The following DDX10 variants were observed in gnomAD, a reference collection of about 807,000 sequenced individuals.
DDX10 encodes the protein DEAD-box helicase 10, also known as probable ATP-dependent RNA helicase DDX10.
In DDX10, 74 loss-of-function variants were observed where a neutral mutation model predicts 104.3. The ratio of observed to expected loss-of-function variants is 0.71; its 90% CI spans 0.59 to 0.86. DDX10 has a LOEUF of 0.86. Ranked by LOEUF, DDX10 falls within the 40% of genes least tolerant of loss-of-function variation. The pLI is 0.00. For synonymous variants in DDX10, 351 were observed against 353.4 expected (o/e 0.99, Z 0.08); for missense variants, 952 against 1,040.0 (o/e 0.92, Z 1.16).
At chr11:108,698,343 T>G (rs2094262749) in intron 9 of DDX10, among the ~76,000 whole-genome samples, 1 of 152,242 alleles carries the variant, frequency 6.6e-6, no homozygotes, top group South Asian at 2.1e-4. Context: ...GGAGCAATCT[T>G]TGTTAGTGAA....
At chr11:108,709,887 A>G (rs1649694083) in intron 10 of DDX10, among the ~76,000 whole-genome samples, 1 of 152,100 alleles carries the variant, frequency 6.6e-6, no homozygotes, top group African/African-American at 2.4e-5. Context: ...CTTTCTTTCT[A>G]ATACAGTCAT....
rs966972112 is a variant in DDX10, at chr11:108,938,037, A to G, written c.2451-2209A>G. 8.5e-5 allele frequency among the ~76,000 whole-genome samples: 13 copies of G among 152,300 alleles called. No individual in the cohort carries two copies. The East Asian group carries it at 2.1e-3, about 25-fold the overall frequency. Reference sequence around the variant, plus strand: ...TGAAGGAACCCCCTCATTGTCAGTCATCTCAGGGACCTCCTTACCTCCCTC... The same window carrying G: ...TGAAGGAACCCCCTCATTGTCAGTCGTCTCAGGGACCTCCTTACCTCCCTC... On this transcript the variant is annotated intron_variant, in intron 17 of 17. Coordinates refer to ENST00000322536, the MANE Select transcript of DDX10 (RefSeq NM_004398.4).
intron 2 of DDX10, among the ~76,000 whole-genome samples, chr11:108,675,127 T>C (rs527392634): frequency 6.8e-6 from 1 of 147,902 alleles, no homozygotes; most frequent in Non-Finnish European, 1.5e-5. Flanking sequence ...TGTGTGTGTA[T>C]GTGTATGTAT....
intron 1 of DDX10, among the ~76,000 whole-genome samples, chr11:108,672,846 A>T (rs58359815): frequency 0.032 from 4,818 of 152,332 alleles, 260 homozygotes; most frequent in African/African-American, 0.11. Flanking sequence ...TGAATAATGT[A>T]AAGTTAGCAA....
intron 17 of DDX10, chr11:108,918,699 C>T (rs866312048): frequency 3.3e-5 from 5 of 152,236 alleles, no homozygotes; most frequent in African/African-American, 1.2e-4. Flanking sequence ...AATTCCTTCA[C>T]TTTAAAGTCT....
At chr11:108,829,864 A>G (rs189544689) in intron 13 of DDX10, among the ~76,000 whole-genome samples, 4 of 151,696 alleles carry the variant, frequency 2.6e-5, no homozygotes, top group African/African-American at 9.6e-5. Context: ...TATGTTTGTT[A>G]TCTTTGTAAG....
chr11:108,774,285 C>A (rs1280604216), intron 13 of DDX10, among the ~76,000 whole-genome samples: 2 of 152,196 alleles, frequency 1.3e-5, no homozygotes, highest in African/African-American at 4.8e-5. Flanking sequence ...GTGGGCATTG[C>A]CCTTTGCAGG....
chr11:108,702,872 C>A (rs1350775299), intron 9 of DDX10, among the ~76,000 whole-genome samples: 1 of 152,194 alleles, frequency 6.6e-6, no homozygotes, highest in Non-Finnish European at 1.5e-5. Flanking sequence ...CTTGGGCTCT[C>A]AGAAATACTA....
chr11:108,897,296 A>G (rs1319779235), intron 16 of DDX10, among the ~76,000 whole-genome samples: 2 of 152,164 alleles, frequency 1.3e-5, no homozygotes, highest in South Asian at 2.1e-4. Context: ...TCAGCTTCCC[A>G]GCTGACTCTC....
intron 16 of DDX10, among the ~76,000 whole-genome samples, chr11:108,861,830 TG>T (rs1349084501): frequency 6.6e-6 from 1 of 152,206 alleles, no homozygotes; most frequent in African/African-American, 2.4e-5. Context: ...GAGACCAGCC[TG>T]GGCAACATGG....
intron 16 of DDX10, among the ~76,000 whole-genome samples, chr11:108,864,631 T>A (rs1862984410): frequency 6.6e-6 from 1 of 151,846 alleles, no homozygotes; most frequent in South Asian, 2.1e-4. Context: ...ATAATTTTGT[T>A]TATTTTTTTG....
intron 9 of DDX10, among the ~76,000 whole-genome samples, chr11:108,701,779 C>T (rs34180595): frequency 0.14 from 20,427 of 148,086 alleles, 1,529 homozygotes; most frequent in East Asian, 0.26. Flanking sequence ...CTCTGCCTCC[C>T]GGGTTCAAGT....
At position 108,673,488 on chromosome 11, in the gene DDX10, A is replaced by G. The variant is rs767157106; in HGVS notation, c.208A>G (p.Arg70Gly). 1.9e-6 allele frequency: 3 copies of G among 1,596,790 alleles called. No individual in the cohort carries two copies. The highest frequency in any genetic ancestry group is 2.6e-6 in the Non-Finnish European group (3 of 1,164,874). Residue 70 changes from arginine to glycine, a missense_variant, in exon 2 of 18, where the codon AGA becomes GGA. By Grantham distance (125) the Arg-to-Gly change is moderately radical (BLOSUM62 -2). Around this residue, in one of 3 missense-constraint regions of DDX10, gnomAD observed 412 missense variants for 479.2 expected, o/e 0.86. Transcript: ENST00000322536. ...YEKINVNEIT[R>G]FSDFPLSKKT... is the part of the protein sequence containing the mutation. ...CCAGATAAATGTAAATGAAATCACAAGATTTTCAGATTTTCCCTTGTCCAA... is the reference window on the plus strand; with the variant it reads ...CCAGATAAATGTAAATGAAATCACAGGATTTTCAGATTTTCCCTTGTCCAA...
chr11:108,839,748 A>G (rs1862610658), intron 14 of DDX10, among the ~76,000 whole-genome samples: 1 of 152,226 alleles, frequency 6.6e-6, no homozygotes, highest in Non-Finnish European at 1.5e-5. Context: ...GAGGAAGCGT[A>G]TCTAAATGAC....
intron 13 of DDX10, among the ~76,000 whole-genome samples, chr11:108,745,397 T>C (rs1444544616): frequency 6.6e-6 from 1 of 151,584 alleles, no homozygotes; most frequent in Non-Finnish European, 1.5e-5. Context: ...CTTGCCACCA[T>C]GGTCAGCTAA....
chr11:108,937,202 G>A (rs146043462), intron 17 of DDX10, among the ~76,000 whole-genome samples: 376 of 152,276 alleles, frequency 2.5e-3, no homozygotes, highest in African/African-American at 8.6e-3. Flanking sequence ...AGTGAGGGCC[G>A]TGCTTGAGGA....
At chr11:108,798,827 G>T (rs1443681156) in intron 13 of DDX10, among the ~76,000 whole-genome samples, 1 of 151,818 alleles carries the variant, frequency 6.6e-6, no homozygotes, top group Admixed American at 6.6e-5. Flanking sequence ...CTTATTTTTG[G>T]AATCTTTTTT....
intron 17 of DDX10, chr11:108,929,828 T>C (rs1459806657): frequency 6.6e-6 from 1 of 152,210 alleles, no homozygotes; most frequent in South Asian, 2.1e-4. Flanking sequence ...ACTAACTCTT[T>C]TAAACTATAC....
intron 16 of DDX10, among the ~76,000 whole-genome samples, chr11:108,884,421 CTCCT>C (rs373675802): frequency 1.3e-4 from 20 of 152,238 alleles, no homozygotes; most frequent in African/African-American, 4.8e-4. Flanking sequence ...TCCCTCCTCC[CTCCT>C]TCGTTTCTCA....
Sources: allele counts gnomAD v4.1 joint callset (sites outside exome capture counted in the v4.1 genomes callset), GRCh38; gene constraint gnomAD v4.1.1; regional missense constraint gnomAD v4.1.1; transcripts MANE v1.5; gene names NCBI Gene and HGNC (gene_info 2026-07-23, HGNC 2026-07-21).